Variants in COBL observed in about 807,000 individuals in gnomAD.
COBL encodes the protein cordon-bleu WH2 repeat protein.
COBL carries 51 observed loss-of-function variants against 98.8 expected under a neutral mutation model. The ratio of observed to expected loss-of-function variants is 0.52; its 90% CI spans 0.41 to 0.65. The LOEUF (loss-of-function observed/expected upper bound fraction) is 0.65, where lower values mean the gene tolerates loss of function less well. Among genes scored for constraint, COBL ranks in the 30% least tolerant of loss-of-function variants. The pLI is 0.00. For missense variants in COBL, 1,617 were observed against 1,617.5 expected (o/e 1.00, Z 0.01); for synonymous variants, 634 against 651.7 (o/e 0.97, Z 0.41).
intron 5 of COBL, among the ~76,000 whole-genome samples, chr7:51,159,321 G>C (rs540159887): frequency 6.6e-6 from 1 of 152,192 alleles, no homozygotes; most frequent in Admixed American, 6.5e-5. Context: ...TCTTGAAGGC[G>C]ACAGACGCTA....
intron 6 of COBL, among the ~76,000 whole-genome samples, chr7:51,110,564 A>C (rs572220757): frequency 6.6e-6 from 1 of 152,194 alleles, no homozygotes; most frequent in African/African-American, 2.4e-5. Flanking sequence ...TCAATAAGTT[A>C]TCGGGGTACA....
At chr7:51,115,079 A>T (rs1327718854) in intron 6 of COBL, among the ~76,000 whole-genome samples, 9 of 152,196 alleles carry the variant, frequency 5.9e-5, no homozygotes, top group Non-Finnish European at 1.5e-5. Flanking sequence ...AGTTTTCAAA[A>T]TTTTTGGTAA....
At chr7:51,217,203 G>A (rs1315172258) in intron 2 of COBL, among the ~76,000 whole-genome samples, 1 of 152,134 alleles carries the variant, frequency 6.6e-6, no homozygotes, top group Admixed American at 6.5e-5. Context: ...GGAAATAAAA[G>A]AAATGAAAGC....
At chr7:51,181,499 C>T (rs995575344) in intron 5 of COBL, among the ~76,000 whole-genome samples, 2 of 152,218 alleles carry the variant, frequency 1.3e-5, no homozygotes, top group Non-Finnish European at 2.9e-5. Context: ...TTTCTGTAAA[C>T]TAGTGAGAAT....
chr7:51,124,947 G>A (rs1267956528), intron 6 of COBL, among the ~76,000 whole-genome samples: 1 of 152,130 alleles, frequency 6.6e-6, no homozygotes, highest in Non-Finnish European at 1.5e-5. Context: ...GAGTAGCTGG[G>A]ATTACAGGCA....
intron 7 of COBL, among the ~76,000 whole-genome samples, chr7:51,059,228 A>G (rs1369542439): frequency 6.6e-6 from 1 of 152,202 alleles, no homozygotes; most frequent in Non-Finnish European, 1.5e-5. Context: ...GTTTAATATT[A>G]GTAGTGTTTG....
chr7:51,210,435 C>T (rs1792301605), intron 2 of COBL, among the ~76,000 whole-genome samples: 1 of 152,206 alleles, frequency 6.6e-6, no homozygotes. Context: ...CTTCCCAGGG[C>T]TGGAACCCGC....
chr7:51,133,741 A>G (rs1306399626), intron 6 of COBL, among the ~76,000 whole-genome samples: 2 of 152,366 alleles, frequency 1.3e-5, no homozygotes, highest in East Asian at 1.9e-4. Flanking sequence ...GGTCACCTCC[A>G]GGCTCTAACA....
At chr7:51,135,945 C>A (rs1263561658) in intron 6 of COBL, among the ~76,000 whole-genome samples, 1 of 152,188 alleles carries the variant, frequency 6.6e-6, no homozygotes, top group Non-Finnish European at 1.5e-5. Flanking sequence ...TGTATCCTGA[C>A]TGCCTTGGGG....
At chr7:51,062,388 T>C (rs2128912196) in intron 7 of COBL, among the ~76,000 whole-genome samples, 1 of 124,432 alleles carries the variant, frequency 8.0e-6, no homozygotes, top group South Asian at 2.4e-4. Context: ...TCCCAAGCTC[T>C]GGGTCAGCCC....
intron 8 of COBL, chr7:51,033,805 A>C (rs1037697233): frequency 6.6e-6 from 1 of 152,240 alleles, no homozygotes; most frequent in Non-Finnish European, 1.5e-5. Context: ...CACAGTAAGC[A>C]CTTTATTTTG....
At chr7:51,066,143 T>C (rs942746741) in intron 7 of COBL, among the ~76,000 whole-genome samples, 2 of 152,216 alleles carry the variant, frequency 1.3e-5, no homozygotes, top group Non-Finnish European at 2.9e-5. Context: ...CACGACAGTG[T>C]CTGTGGCTTG....
intron 4 of COBL, 48 bp downstream of exon 4, chr7:51,190,802 G>A (rs967337382): frequency 5.4e-5 from 79 of 1,470,716 alleles, no homozygotes; most frequent in Admixed American, 1.0e-4. Flanking sequence ...TACACGCCGC[G>A]CATCCGTGTG....
At chr7:51,182,288 T>C (rs564118038) in intron 5 of COBL, among the ~76,000 whole-genome samples, 2 of 148,574 alleles carry the variant, frequency 1.3e-5, no homozygotes, top group Admixed American at 6.7e-5. Flanking sequence ...TGATTCTCTT[T>C]TTTTTTTTTT....
chr7:51,108,982 AAG>A (rs1796593485), intron 6 of COBL, among the ~76,000 whole-genome samples: 1 of 147,842 alleles, frequency 6.8e-6, no homozygotes, highest in South Asian at 2.2e-4. Context: ...AGTTTACTGA[AAG>A]AACTGGTTCC....
At chr7:51,090,748 T>C (rs896751968) in intron 6 of COBL, among the ~76,000 whole-genome samples, 5 of 152,134 alleles carry the variant, frequency 3.3e-5, no homozygotes, top group South Asian at 2.1e-4. Flanking sequence ...ATGTTCTGGA[T>C]TTGTGGGGAG....
intron 1 of COBL, among the ~76,000 whole-genome samples, chr7:51,238,161 G>A (rs1271995894): frequency 2.0e-5 from 3 of 152,216 alleles, no homozygotes; most frequent in African/African-American, 7.2e-5. Flanking sequence ...CCGCCTCCAG[G>A]CCTTCCACTG....
chr7:51,122,368 T>C (rs750763783), intron 6 of COBL, among the ~76,000 whole-genome samples: 4 of 152,212 alleles, frequency 2.6e-5, no homozygotes, highest in African/African-American at 7.2e-5. Flanking sequence ...GGGATGTTTG[T>C]GTCGGACAGG....
In COBL at chr7:51,109,224, A is replaced by T. The variant is rs187127607; in HGVS notation, c.958-23920T>A. ...CTCCGCAGGGCTGCCTCTTCTCTTC[A>T]TCTCTGGTTTTCATCCATTCTTATT... On this transcript the variant is annotated intron_variant, in intron 6 of 12. Transcript: ENST00000265136. Among the ~76,000 whole-genome samples the T allele has an allele frequency of 5.8e-4, 87 of 149,378 alleles. No individual in the cohort carries two copies. The East Asian group carries it at 0.014, about 25-fold the overall frequency.
Sources: allele counts gnomAD v4.1 joint callset (sites outside exome capture counted in the v4.1 genomes callset), GRCh38; gene constraint gnomAD v4.1.1; transcripts MANE v1.5; gene names NCBI Gene and HGNC (gene_info 2026-07-23, HGNC 2026-07-21).